The following WDFY3 variants were observed in gnomAD, a reference collection of about 807,000 sequenced individuals.
WDFY3 encodes the protein WD repeat and FYVE domain containing 3, also known as WD repeat and FYVE domain-containing protein 3.
A neutral mutation model predicts 409.6 loss-of-function variants in WDFY3; 66 were observed. That is an observed-to-expected ratio of 0.16 (90% CI 0.13 to 0.20). The LOEUF (loss-of-function observed/expected upper bound fraction) is 0.20, where lower values mean the gene tolerates loss of function less well. Ranked by LOEUF, WDFY3 falls within the 10% of genes least tolerant of loss-of-function variation. The pLI is 1.00. For missense variants in WDFY3, 3,031 were observed against 4,298.1 expected, an observed-to-expected ratio of 0.71 and a Z score of 8.24; for synonymous variants, 1,521 against 1,537.1, an observed-to-expected ratio of 0.99 and a Z score of 0.25.
chr4:84,784,566 G>GATGGCTCACACCTGTAATC (rs1560752092), intron 24 of WDFY3, among the ~76,000 whole-genome samples: 2 of 151,876 alleles, frequency 1.3e-5, no homozygotes, highest in Admixed American at 1.3e-4. Context: ...AGCCGGGTGG[G>GATGGCTCACACCTGTAATC]ATGGCTCACA....
chr4:84,692,621 G>T (rs1729443276), intron 59 of WDFY3, among the ~76,000 whole-genome samples: 1 of 151,848 alleles, frequency 6.6e-6, no homozygotes, highest in Admixed American at 6.6e-5. Flanking sequence ...GTATTTTAGA[G>T]CTTTGATTAT....
intron 2 of WDFY3, among the ~76,000 whole-genome samples, chr4:84,916,448 T>C (rs1768501612): frequency 6.6e-6 from 1 of 152,214 alleles, no homozygotes; most frequent in Non-Finnish European, 1.5e-5. Flanking sequence ...AATTCACTGA[T>C]TTTCCTTCCT....
Position 84,891,370 on chromosome 4 carries a change from C to CA in WDFY3, c.-32+5540dup, listed in dbSNP as rs988713537. The stretch of plus-strand genomic sequence containing the variant: ...TATATAAGCACTTTTTATTTTCAAC[C>CA]AAAAAAAAAGAAACCCTTATTATCT... On this transcript the variant is annotated intron_variant, in intron 3 of 67. Transcript: ENST00000295888. 1.2e-4 allele frequency among the ~76,000 whole-genome samples: 18 copies of CA among 148,780 alleles called. No individual in the cohort carries two copies. The East Asian group carries it at 1.4e-3, about 11-fold the overall frequency.
At chr4:84,849,859 T>C in intron 5 of WDFY3, 43 bp downstream of exon 5, 1 of 1,603,204 alleles carries the variant, frequency 6.2e-7, no homozygotes, top group Non-Finnish European at 8.5e-7. Context: ...GAACTGCTTG[T>C]TCATTCAAAC....
intron 4 of WDFY3, among the ~76,000 whole-genome samples, chr4:84,851,838 A>G (rs1375507543): frequency 1.3e-5 from 2 of 152,208 alleles, no homozygotes; most frequent in Non-Finnish European, 2.9e-5. Context: ...CAAAGCCCGT[A>G]AACACTGTAT....
At chr4:84,700,041 G>A (rs924266552) in intron 56 of WDFY3, among the ~76,000 whole-genome samples, 2 of 151,658 alleles carry the variant, frequency 1.3e-5, no homozygotes, top group Non-Finnish European at 1.5e-5. Context: ...CTTGGATGCA[G>A]AAACTTCTAA....
intron 1 of WDFY3, among the ~76,000 whole-genome samples, chr4:84,956,031 A>C (rs1405913929): frequency 6.6e-6 from 1 of 152,212 alleles, no homozygotes; most frequent in Non-Finnish European, 1.5e-5. Context: ...TAATTTTTTC[A>C]TAGACCAAAT....
chr4:84,686,036 T>TA (rs748654919), intron 62 of WDFY3, among the ~76,000 whole-genome samples: 2 of 152,164 alleles, frequency 1.3e-5, no homozygotes, highest in Non-Finnish European at 2.9e-5. Flanking sequence ...GAAAACCTCT[T>TA]AAACCTTTCA....
intron 55 of WDFY3, 72 bp downstream of exon 55, chr4:84,704,266 G>T: frequency 9.1e-7 from 1 of 1,093,580 alleles, no homozygotes; most frequent in Non-Finnish European, 1.3e-6. Context: ...AGATAATGAT[G>T]TTTTAAAAGG....
intron 30 of WDFY3, among the ~76,000 whole-genome samples, chr4:84,770,854 T>C (rs1360377395): frequency 1.3e-5 from 2 of 152,228 alleles, no homozygotes; most frequent in East Asian, 3.8e-4. Context: ...TTTCATTTTT[T>C]AGAACATTAT....
chr4:84,717,847 G>A (rs1263916625), intron 48 of WDFY3, among the ~76,000 whole-genome samples: 3 of 151,988 alleles, frequency 2.0e-5, no homozygotes, highest in African/African-American at 4.8e-5. Context: ...AGGAGATTGA[G>A]ACCATCCTGG....
chr4:84,697,155 C>A (rs1246760006), intron 56 of WDFY3, among the ~76,000 whole-genome samples: 4 of 152,144 alleles, frequency 2.6e-5, no homozygotes, highest in Non-Finnish European at 5.9e-5. Context: ...ACATGCACTG[C>A]CCTTCTCTAA....
rs537033300 is a variant in WDFY3, at chr4:84,762,925, C to T, written c.5188+2885G>A. ...CCAGGAGCTTAAGTCTAGCCTGGACCACATAACAAGACCCAATCTCTAAAA... is the reference window on the plus strand; with the variant it reads ...CCAGGAGCTTAAGTCTAGCCTGGACTACATAACAAGACCCAATCTCTAAAA... On this transcript the variant is annotated intron_variant, in intron 32 of 67. Coordinates refer to ENST00000295888, the MANE Select transcript of WDFY3 (RefSeq NM_014991.6). Among the ~76,000 whole-genome samples, 4 of 151,800 alleles carry T rather than the reference C, an allele frequency of 2.6e-5. No homozygotes were observed. The East Asian group carries it at 5.8e-4, about 22-fold the overall frequency.
chr4:84,784,887 TATATACACAC>T (rs1211369138), intron 24 of WDFY3, among the ~76,000 whole-genome samples: 25 of 62,360 alleles, frequency 4.0e-4, no homozygotes, highest in East Asian at 8.6e-4. Flanking sequence ...TATATATATA[TATATACACAC>T]ACACACACAC....
At chr4:84,680,371 C>G (rs2148764174) in intron 64 of WDFY3, among the ~76,000 whole-genome samples, 1 of 152,336 alleles carries the variant, frequency 6.6e-6, no homozygotes. Flanking sequence ...CTCACTGCAG[C>G]CTCAACCTCC....
intron 3 of WDFY3, among the ~76,000 whole-genome samples, chr4:84,871,354 A>G (rs751788386): frequency 6.6e-6 from 1 of 152,164 alleles, no homozygotes; most frequent in Non-Finnish European, 1.5e-5. Flanking sequence ...CATTAGGAGA[A>G]AAGCCCACCA....
At chr4:84,892,331 T>C (rs1020409084) in intron 3 of WDFY3, among the ~76,000 whole-genome samples, 4 of 151,758 alleles carry the variant, frequency 2.6e-5, no homozygotes, top group South Asian at 2.1e-4. Flanking sequence ...AAAGTGTGCA[T>C]GTGTGTGCGT....
At chr4:84,865,626 C>T (rs1414035806) in intron 3 of WDFY3, among the ~76,000 whole-genome samples, 1 of 152,208 alleles carries the variant, frequency 6.6e-6, no homozygotes, top group Non-Finnish European at 1.5e-5. Flanking sequence ...GCCCCCCAAC[C>T]CCAGCCCTGC....
intron 13 of WDFY3, 99 bp downstream of exon 13, chr4:84,817,293 T>A (rs1683526126): frequency 6.9e-7 from 1 of 1,450,774 alleles, no homozygotes; most frequent in Non-Finnish European, 9.4e-7. Context: ...GTAATTTGGA[T>A]TTTTTTTAAT....
Sources: allele counts gnomAD v4.1 joint callset (sites outside exome capture counted in the v4.1 genomes callset), GRCh38; gene constraint gnomAD v4.1.1; transcripts MANE v1.5; gene names NCBI Gene and HGNC (gene_info 2026-07-23, HGNC 2026-07-21).